The following WASHC3 variants were observed in gnomAD, a reference collection of about 807,000 sequenced individuals.
WASHC3 encodes the protein WASH complex subunit CCDC53.
In WASHC3, 24 loss-of-function variants were observed where a neutral mutation model predicts 26.1. The observed-to-expected ratio is 0.92, with a 90% CI of 0.66 to 1.29. WASHC3 has a LOEUF of 1.29. Among genes scored for constraint, WASHC3 ranks in the 50% most tolerant of loss-of-function variants. The pLI, the probability that WASHC3 is intolerant of heterozygous loss-of-function variation, is 0.00. For missense variants in WASHC3, 214 were observed against 229.6 expected (o/e 0.93, Z 0.44); for synonymous variants, 77 against 75.7 (o/e 1.02, Z -0.09).
chr12:102,040,586 CAG>C lies in WASHC3; in HGVS notation c.325-610_325-609del, dbSNP rs763385720. Among the ~76,000 whole-genome samples, 11 of 152,068 alleles carry C rather than the reference CAG, an allele frequency of 7.2e-5. No homozygotes were observed. In the East Asian group the frequency reaches 1.2e-3, roughly 16 times the overall value. On this transcript the variant is annotated intron_variant, in intron 4 of 6. Coordinates refer to ENST00000240079, the MANE Select transcript of WASHC3 (RefSeq NM_016053.4). ...GAACTATTAATGGTAACATTGTCTA[CAG>C]AGTGGTTAAAAGTCATAATGTCATA...
chr12:102,030,884 T>G (rs539356299), intron 5 of WASHC3, among the ~76,000 whole-genome samples: 1 of 152,336 alleles, frequency 6.6e-6, no homozygotes, highest in African/African-American at 2.4e-5. Context: ...GCAAGAAATT[T>G]AAAACCTGAA....
chr12:102,044,901 C>T (rs576882646), intron 3 of WASHC3, among the ~76,000 whole-genome samples: 3 of 152,086 alleles, frequency 2.0e-5, no homozygotes, highest in Non-Finnish European at 4.4e-5. Context: ...CTGAGTTCAT[C>T]CTGATATCAA....
intron 5 of WASHC3, among the ~76,000 whole-genome samples, chr12:102,034,614 CAAG>C (rs1212096037): frequency 3.9e-5 from 6 of 152,158 alleles, no homozygotes; most frequent in African/African-American, 1.4e-4. Context: ...CAGGTATGTT[CAAG>C]AAGCTTTACG....
chr12:102,021,297 T>C (rs992501847), intron 6 of WASHC3, among the ~76,000 whole-genome samples: 1 of 152,190 alleles, frequency 6.6e-6, no homozygotes, highest in Non-Finnish European at 1.5e-5. Context: ...TCTTAGTAGG[T>C]AGACTCCTGC....
Position 102,028,268 on chromosome 12 carries a change from A to AT in WASHC3, c.436-2231dup, listed in dbSNP as rs1877283466. ...ATTTTAATAATAGAGGAGAAAGCTGATTACTTGAATGACACAGCTGGGAAT... is the reference window on the plus strand; with the variant it reads ...ATTTTAATAATAGAGGAGAAAGCTGATTTACTTGAATGACACAGCTGGGAAT... On this transcript the variant is annotated intron_variant, in intron 5 of 6. Coordinates refer to ENST00000240079, the MANE Select transcript of WASHC3 (RefSeq NM_016053.4). Among the ~76,000 whole-genome samples, 3 of 152,316 alleles carry AT rather than the reference A, an allele frequency of 2.0e-5. No individual in the cohort carries two copies. In the South Asian group the frequency reaches 6.2e-4, roughly 32 times the overall value.
chr12:102,031,017 C>T (rs1019983889), intron 5 of WASHC3, among the ~76,000 whole-genome samples: 1 of 152,116 alleles, frequency 6.6e-6, no homozygotes, highest in African/African-American at 2.4e-5. Context: ...TAAATCTGTA[C>T]ACAGTATGAC....
At chr12:102,039,778 C>T in intron 5 of WASHC3, 90 bp downstream of exon 5, 1 of 542,580 alleles carries the variant, frequency 1.8e-6, no homozygotes, top group Admixed American at 2.6e-5. Flanking sequence ...TAGCAGTTTT[C>T]TCAGATTGAA....
At chr12:102,027,986 T>C (rs1877271476) in intron 5 of WASHC3, among the ~76,000 whole-genome samples, 1 of 152,152 alleles carries the variant, frequency 6.6e-6, no homozygotes, top group Non-Finnish European at 1.5e-5. Context: ...TATTGTTCCA[T>C]GAGGCAATTT....
intron 6 of WASHC3, among the ~76,000 whole-genome samples, chr12:102,014,673 T>C (rs773389026): frequency 6.6e-6 from 1 of 152,174 alleles, no homozygotes; most frequent in Non-Finnish European, 1.5e-5. Flanking sequence ...CAAGGAAGCA[T>C]TATGTAGTCA....
chr12:102,040,000 A>G, intron 4 of WASHC3, 22 bp from the exon 5 acceptor site: 1 of 1,184,072 alleles, frequency 8.4e-7, no homozygotes, highest in South Asian at 1.4e-5. Flanking sequence ...ATTTGGTGTA[A>G]ATCTTTAGAC....
chr12:102,039,968 G>A lies in WASHC3; in HGVS notation c.335C>T (p.Thr112Ile), dbSNP rs769371260. ...ATSEQPQQNSTQDSGLQESEV... is the reference protein window; with the variant it reads ...ATSEQPQQNSIQDSGLQESEV... ...ACTTTCCTGTAGTCCAGAGTCTTGT[G>A]TACTGTTCTGCTGTAGAGAGTATTT... Residue 112 changes from threonine (T) to isoleucine (I), a missense_variant, in exon 5 of 7, where the codon ACA (threonine) becomes ATA (isoleucine). By Grantham distance (89) the Thr-to-Ile change is moderately conservative. Coordinates refer to ENST00000240079, the MANE Select transcript of WASHC3 (RefSeq NM_016053.4). 4 of 1,544,522 alleles carry A rather than the reference G, an allele frequency of 2.6e-6. No homozygotes were observed. In the African/African-American group the frequency reaches 4.1e-5, roughly 16 times the overall value.
intron 5 of WASHC3, among the ~76,000 whole-genome samples, chr12:102,032,196 T>A (rs1239703978): frequency 6.6e-6 from 1 of 152,070 alleles, no homozygotes; most frequent in Non-Finnish European, 1.5e-5. Context: ...AATGGATGCA[T>A]CAGAACCACC....
At chr12:102,018,379 T>C (rs1353451798) in intron 6 of WASHC3, among the ~76,000 whole-genome samples, 1 of 152,224 alleles carries the variant, frequency 6.6e-6, no homozygotes, top group Non-Finnish European at 1.5e-5. Flanking sequence ...GGGATCACAA[T>C]ACTCTTTTCT....
At chr12:102,031,320 A>C (rs1025253818) in intron 5 of WASHC3, among the ~76,000 whole-genome samples, 1 of 152,206 alleles carries the variant, frequency 6.6e-6, no homozygotes, top group Admixed American at 6.5e-5. Context: ...GGAAAACTCT[A>C]TCCAAACCTT....
intron 2 of WASHC3, among the ~76,000 whole-genome samples, chr12:102,046,443 T>G (rs1392495398): frequency 6.6e-6 from 1 of 152,090 alleles, no homozygotes; most frequent in African/African-American, 2.4e-5. Flanking sequence ...TACAGGCACG[T>G]GCCACCACGC....
chr12:102,057,173 T>C (rs1413623404), intron 2 of WASHC3, among the ~76,000 whole-genome samples: 1 of 152,158 alleles, frequency 6.6e-6, no homozygotes, highest in East Asian at 1.9e-4. Context: ...AACCGTATGA[T>C]CATCTCAATA....
intron 5 of WASHC3, among the ~76,000 whole-genome samples, chr12:102,039,127 G>GTTTTTTTTTTTTT (rs151151284): frequency 1.2e-5 from 1 of 84,272 alleles, no homozygotes. Flanking sequence ...TATGGAGTTA[G>GTTTTTTTTTTTTT]GTTTTTTTTT....
chr12:102,029,304 G>A (rs1469831114), intron 5 of WASHC3, among the ~76,000 whole-genome samples: 1 of 152,158 alleles, frequency 6.6e-6, no homozygotes, highest in Non-Finnish European at 1.5e-5. Context: ...TGAACTGTGG[G>A]ATTTTTTTTG....
intron 4 of WASHC3, 56 bp from the exon 5 acceptor site, chr12:102,040,034 GT>G: frequency 1.5e-6 from 1 of 658,946 alleles, no homozygotes; most frequent in Non-Finnish European, 2.6e-6. Flanking sequence ...GGTCTATCAT[GT>G]TACTTAAAAG....
Sources: gnomAD v4.1 joint callset for allele counts (sites outside exome capture counted in the v4.1 genomes callset) on GRCh38, gnomAD v4.1.1 for gene constraint, MANE v1.5 for transcripts, NCBI Gene and HGNC (gene_info 2026-07-23, HGNC 2026-07-21) for gene names.